TAP2: variants seen among roughly 807,000 people sequenced by gnomAD.
TAP2 encodes antigen peptide transporter 2.
A neutral mutation model predicts 74.7 loss-of-function variants in TAP2; 49 were observed. That is an observed-to-expected ratio of 0.66 (90% CI 0.52 to 0.83). TAP2 has a LOEUF of 0.83. Among genes scored for constraint, TAP2 ranks in the 40% least tolerant of loss-of-function variants. The pLI is 0.00. For synonymous variants in TAP2, 306 were observed against 368.4 expected, an observed-to-expected ratio of 0.83 and a Z score of 1.94; for missense variants, 739 against 859.0, an observed-to-expected ratio of 0.86 and a Z score of 1.75.
At chr6:32,836,932 T>A (rs1055070741) in intron 3 of TAP2, among the ~76,000 whole-genome samples, 11 of 152,200 alleles carry the variant, frequency 7.2e-5, no homozygotes, top group African/African-American at 2.7e-4. Flanking sequence ...AGTGCACACC[T>A]CCTTAAACTT....
chr6:32,832,033 A>C lies in TAP2; in HGVS notation c.1272+300T>G, dbSNP rs1272664106. 1.3e-5 allele frequency among the ~76,000 whole-genome samples: 2 copies of C among 152,208 alleles called. No homozygotes were observed. The highest frequency in any genetic ancestry group is 2.9e-5 in the Non-Finnish European group (2 of 68,022). ...ACATACTGAAATATTTACAGATGAA[A>C]GTATACAATATCTTGGATTTGCTTC... On this transcript the variant is annotated intron_variant, in intron 7 of 11. Transcript: ENST00000374897. The surrounding 1 kb of genome is among the most constrained non-coding windows in gnomAD (Gnocchi z 5.9).
chr6:32,832,521 C>T lies in TAP2; in HGVS notation c.1144-60G>A. 2 of 1,610,974 alleles carry T rather than the reference C, an allele frequency of 1.2e-6. No individual in the cohort carries two copies. Among genetic ancestry groups the T allele is most frequent in the South Asian group, 1.1e-5 (1 of 90,884 alleles). On this transcript the variant is annotated intron_variant, in intron 6 of 11. Coordinates refer to ENST00000374897, the MANE Select transcript of TAP2 (RefSeq NM_001290043.2). This position sits in a 1 kb window ranked among gnomAD's most constrained non-coding sequence, Gnocchi z 5.9. Reference sequence around the variant, plus strand: ...TCTTCCCATTCTTTCCCCCTCTCTGCCTCTATGAGACTGAGCTGCAAAGGC... The same window carrying T: ...TCTTCCCATTCTTTCCCCCTCTCTGTCTCTATGAGACTGAGCTGCAAAGGC...
chr6:32,834,357 A>G lies in TAP2; in HGVS notation c.945+797T>C, dbSNP rs373010388. 1.2e-4 allele frequency among the ~76,000 whole-genome samples: 19 copies of G among 152,370 alleles called. No individual in the cohort carries two copies. In the South Asian group the frequency reaches 1.7e-3, roughly 13 times the overall value. ...TACAATATGGATGAGGCCTGAAGAC[A>G]TTACGCTAAGTAAAATATGCCAGTC... On this transcript the variant is annotated intron_variant, in intron 5 of 11. Transcript: ENST00000374897.
In TAP2 at chr6:32,830,704, GC is replaced by G. The variant is rs760827687; in HGVS notation, c.1374del (p.Ala460ProfsTer9). ...DRQPNLPSPG[T>X]LAPTTLQGVV... ...ACCCCCTGCAGAGTGGTGGGGGCAA[GC>G]GTGCCAGGTGAAGGCAGATTTGGCT... On this transcript the variant is annotated frameshift_variant, in exon 8 of 12. Transcript: ENST00000374897. LOFTEE classifies it high-confidence loss of function. The G allele has an allele frequency of 1.2e-6, 2 of 1,613,088 alleles. No homozygotes were observed. The highest frequency in any genetic ancestry group is 2.2e-5 in the South Asian group (2 of 91,088).
In TAP2 at chr6:32,829,343, T is replaced by C. The variant is rs1012794950; in HGVS notation, c.1932+57A>G. 8 of 1,557,100 alleles carry C rather than the reference T, an allele frequency of 5.1e-6. No individual in the cohort carries two copies. The Admixed American group carries it at 7.8e-5, about 15-fold the overall frequency. ...CTCTGCCCAATTCTGCACAGTCTGA[T>C]CCTCCCAGCATGCCCCTCCCAGGCC... On this transcript the variant is annotated intron_variant, in intron 11 of 11. Coordinates refer to ENST00000374897, the MANE Select transcript of TAP2 (RefSeq NM_001290043.2).
In TAP2 at chr6:32,826,804, T is replaced by A; in HGVS notation, c.*2102A>T. On this transcript the variant is annotated 3_prime_UTR_variant, in exon 12 of 12. Transcript: ENST00000374897. ...TCCAGGCTTAAAGTATTATGATGCA[T>A]GGGTATAACTGTACTGAGGAAATCA... is the stretch of plus-strand genomic sequence containing the variant. 2.0e-6 allele frequency: 2 copies of A among 985,438 alleles called. No homozygotes were observed. Among genetic ancestry groups the A allele is most frequent in the African/African-American group, 3.5e-5 (2 of 57,360 alleles). 61.0% of individuals were successfully genotyped at this position (985,438 alleles called of 1,614,324 possible).
In TAP2 at chr6:32,828,677, C is replaced by CTCA; in HGVS notation, c.*228_*229insTGA. 1 of 971,804 alleles carries CTCA rather than the reference C, an allele frequency of 1.0e-6. No individual in the cohort carries two copies. The highest frequency in any genetic ancestry group is 1.2e-6 in the Non-Finnish European group (1 of 806,872). 60.2% of individuals were successfully genotyped at this position (971,804 alleles called of 1,614,324 possible). On this transcript the variant is annotated 3_prime_UTR_variant, in exon 12 of 12. Transcript: ENST00000374897. ...ATTAAGTTTCCTGGACACAGACAGC[C>CTCA]CCCACCCCACCCCACCCCACCTCTC...
Position 32,828,685 on chromosome 6 carries a change from C to CACCACA in TAP2, c.*220_*221insTGTGGT. On this transcript the variant is annotated 3_prime_UTR_variant, in exon 12 of 12. Transcript: ENST00000374897. The stretch of plus-strand genomic sequence containing the variant: ...TCCTGGACACAGACAGCCCCCACCC[C>CACCACA]ACCCCACCCCACCTCTCTACCCCAC... 2 of 999,504 alleles carry CACCACA rather than the reference C, an allele frequency of 2.0e-6. No individual in the cohort carries two copies. Among genetic ancestry groups the CACCACA allele is most frequent in the Non-Finnish European group, 2.4e-6 (2 of 830,262 alleles). 61.9% of individuals were successfully genotyped at this position (999,504 alleles called of 1,614,324 possible).
In TAP2 at chr6:32,830,845, A is replaced by C. The variant is rs139823629; in HGVS notation, c.1273-39T>G. On this transcript the variant is annotated intron_variant, in intron 7 of 11. Coordinates refer to ENST00000374897, the MANE Select transcript of TAP2 (RefSeq NM_001290043.2). ...ATGGGAGAGCCGGCTAATTAAACAC[A>C]CTTCTACCAGAAACCACCCTCCCAA... The C allele has an allele frequency of 3.4e-3, 5,375 of 1,563,620 alleles. 64 individuals carry two copies. The highest frequency in any genetic ancestry group is 0.029 in the African/African-American group (2,132 of 73,908).
chr6:32,832,721 T>C lies in TAP2; in HGVS notation c.1049A>G (p.His350Arg), dbSNP rs1769170752. The change falls in exon 6 of 12, where the codon CAT (histidine) becomes CGT (arginine). Residue 350 changes from histidine to arginine, a missense_variant. His to Arg is a conservative substitution (Grantham distance 29, BLOSUM62 0). Transcript: ENST00000374897. This position sits in a 1 kb window ranked among gnomAD's most constrained non-coding sequence, Gnocchi z 5.9. ...GGCCTCTTTATAGCGACAGACTTCATGCTCCTCGGCCCCAAAACTGCGAAC... is the reference window on the plus strand; with the variant it reads ...GGCCTCTTTATAGCGACAGACTTCACGCTCCTCGGCCCCAAAACTGCGAAC... ...QTVRSFGAEE[H>R]EVCRYKEALE... 6.2e-7 allele frequency: 1 copy of C among 1,613,136 alleles called. No individual in the cohort carries two copies.
rs1330685472 is a variant in TAP2 at position 32,828,048 on chromosome 6, AG to A, written c.*857del. 6 of 968,750 alleles carry A rather than the reference AG, an allele frequency of 6.2e-6. No individual in the cohort carries two copies. The African/African-American group carries it at 8.8e-5, about 14-fold the overall frequency. 60.0% of individuals were successfully genotyped at this position (968,750 alleles called of 1,614,324 possible). A position where few individuals can be genotyped will look rare whatever the true frequency, so the allele number is the denominator to read the frequency against. On this transcript the variant is annotated 3_prime_UTR_variant, in exon 12 of 12. Transcript: ENST00000374897. ...AAGATGCAATATAATTGATTGGGTC[AG>A]GGTGTGGACTCTAGGGTCAGGCCTG...
rs1432969193 is a variant in TAP2, at chr6:32,828,665, GAC to G, written c.*239_*240del. On this transcript the variant is annotated 3_prime_UTR_variant, in exon 12 of 12. Transcript: ENST00000374897. ...AGTCACCAGGGAATTAAGTTTCCTGGACACAGACAGCCCCCACCCCACCCCAC... is the reference window on the plus strand; with the variant it reads ...AGTCACCAGGGAATTAAGTTTCCTGGACAGACAGCCCCCACCCCACCCCAC... 12 of 1,164,758 alleles carry G rather than the reference GAC, an allele frequency of 1.0e-5. No individual in the cohort carries two copies. Among genetic ancestry groups the G allele is most frequent in the Non-Finnish European group, 1.3e-5 (12 of 941,026 alleles). 72.2% of individuals were successfully genotyped at this position (1,164,758 alleles called of 1,614,324 possible).
downstream of TAP2, among the ~76,000 whole-genome samples, chr6:32,823,000 A>ACCTTTGCCTCCCAGATTCAG (rs548909162): frequency 1.7e-4 from 25 of 146,864 alleles, no homozygotes; most frequent in South Asian, 5.1e-3. Context: ...GCTCGCTACA[A>ACCTTTGCCTCCCAGATTCAG]CCTTTGCCTC....
Position 32,835,188 on chromosome 6 carries a change from A to G in TAP2, c.911T>C (p.Ile304Thr), listed in dbSNP as rs1769331941. 1 of 1,612,958 alleles carries G rather than the reference A, an allele frequency of 6.2e-7. No individual in the cohort carries two copies. Among genetic ancestry groups the G allele is most frequent in the African/African-American group, 1.3e-5 (1 of 75,018 alleles). ...GGTGTTGTACACCTTCTCCGCTGCT[A>G]TTGTGAAGGGCATGTGCAGCAGAGA... ...LLSLLHMPFT[I>T]AAEKVYNTRH... Residue 304 changes from isoleucine (I) to threonine (T), a missense_variant, in exon 5 of 12, where the codon ATA (isoleucine) becomes ACA (threonine). Coordinates refer to ENST00000374897, the MANE Select transcript of TAP2 (RefSeq NM_001290043.2). The surrounding 1 kb of genome is among the most constrained non-coding windows in gnomAD (Gnocchi z 4.0).
downstream of TAP2, among the ~76,000 whole-genome samples, chr6:32,824,807 GCTTTAA>G (rs140219006): frequency 0.067 from 10,168 of 152,006 alleles, 658 homozygotes; most frequent in African/African-American, 0.18. Flanking sequence ...GACTTTAGGT[GCTTTAA>G]CTTTGTCTGC....
Position 32,827,410 on chromosome 6 carries a change from T to C in TAP2, c.*1496A>G, listed in dbSNP as rs1562320552. 5 of 895,850 alleles carry C rather than the reference T, an allele frequency of 5.6e-6. No individual in the cohort carries two copies. In the South Asian group the frequency reaches 1.5e-4, roughly 28 times the overall value. The allele number at this position is 895,850 out of a possible 1,614,324, so 55.5% of individuals were successfully genotyped here. Reference sequence around the variant, plus strand: ...AGCAGATATAAAGCTTAATAAGATATATGGCTTTCCGCCCAGGTGCTCATG... The same window carrying C: ...AGCAGATATAAAGCTTAATAAGATACATGGCTTTCCGCCCAGGTGCTCATG... On this transcript the variant is annotated 3_prime_UTR_variant, in exon 12 of 12. Coordinates refer to ENST00000374897, the MANE Select transcript of TAP2 (RefSeq NM_001290043.2).
chr6:32,828,681 A>ACCCCACCCCC lies in TAP2; in HGVS notation c.*224_*225insGGGGGTGGGG. 1 of 606,166 alleles carries ACCCCACCCCC rather than the reference A, an allele frequency of 1.6e-6. No homozygotes were observed. The highest frequency in any genetic ancestry group is 2.0e-6 in the Non-Finnish European group (1 of 497,968). 37.5% of individuals were successfully genotyped at this position (606,166 alleles called of 1,614,324 possible). ...AGTTTCCTGGACACAGACAGCCCCCACCCCACCCCACCCCACCTCTCTACC... is the reference window on the plus strand; with the variant it reads ...AGTTTCCTGGACACAGACAGCCCCCACCCCACCCCCCCCCACCCCACCCCACCTCTCTACC... On this transcript the variant is annotated 3_prime_UTR_variant, in exon 12 of 12. Coordinates refer to ENST00000374897, the MANE Select transcript of TAP2 (RefSeq NM_001290043.2).
In TAP2 at chr6:32,830,077, C is replaced by T; in HGVS notation, c.1648G>A (p.Gly550Arg). Residue 550 changes from glycine (G) to arginine (R), a missense_variant, in exon 10 of 12, where the codon GGG (glycine) becomes AGG (arginine). Transcript: ENST00000374897. ...CCGGAGAACAGCACAGGCTCCTGCC[C>T]AACTGAAACCACCTGTGCAGCAGGG... Reference protein sequence around the residue: ...CYLHSQVVSVGQEPVLFSGSV... With the variant: ...CYLHSQVVSVRQEPVLFSGSV... 6.2e-7 allele frequency: 1 copy of T among 1,613,060 alleles called. No homozygotes were observed. Among genetic ancestry groups the T allele is most frequent in the South Asian group, 1.1e-5 (1 of 91,084 alleles).
chr6:32,833,212 T>C (rs776385033), intron 5 of TAP2, among the ~76,000 whole-genome samples: 10 of 151,934 alleles, frequency 6.6e-5, no homozygotes, highest in Non-Finnish European at 1.0e-4. Context: ...CCTAGGAAAA[T>C]GTAGAAGAAA....
Sources: gnomAD v4.1 joint callset for allele counts (sites outside exome capture counted in the v4.1 genomes callset) on GRCh38, gnomAD v4.1.1 for gene constraint, Gnocchi (gnomAD v3.1) non-coding constraint, MANE v1.5 for transcripts, NCBI Gene and HGNC (gene_info 2026-07-23, HGNC 2026-07-21) for gene names.